PCNX1: variants seen among roughly 807,000 people sequenced by gnomAD.
PCNX1 encodes pecanex-like protein 1.
A neutral mutation model predicts 242.2 loss-of-function variants in PCNX1; 78 were observed. The ratio of observed to expected loss-of-function variants is 0.32; its 90% CI spans 0.27 to 0.39. The LOEUF (loss-of-function observed/expected upper bound fraction) is 0.39, where lower values mean the gene tolerates loss of function less well. PCNX1 is among the 10% of genes least tolerant of loss of function. The pLI, the probability that PCNX1 is intolerant of heterozygous loss-of-function variation, is 1.00. For synonymous variants in PCNX1, 1,024 were observed against 1,032.9 expected, an observed-to-expected ratio of 0.99 and a Z score of 0.17; for missense variants, 2,581 against 2,856.5, an observed-to-expected ratio of 0.90 and a Z score of 2.20.
intron 18 of PCNX1, among the ~76,000 whole-genome samples, chr14:71,034,399 A>G (rs943136772): frequency 1.3e-5 from 2 of 151,080 alleles, no homozygotes; most frequent in Admixed American, 6.6e-5. Flanking sequence ...CTTGTTGTTG[A>G]AAAAAACTAT....
intron 13 of PCNX1, among the ~76,000 whole-genome samples, chr14:71,025,899 A>T (rs1472303770): frequency 6.6e-6 from 1 of 151,970 alleles, no homozygotes; most frequent in African/African-American, 2.4e-5. Context: ...AAAAACACAA[A>T]ATTTCACACT....
intron 33 of PCNX1, among the ~76,000 whole-genome samples, chr14:71,107,831 TTC>T (rs2062666090): frequency 6.6e-6 from 1 of 152,214 alleles, no homozygotes; most frequent in South Asian, 2.1e-4. Context: ...TAATAAATAT[TTC>T]TTTTTAACTG....
At chr14:70,948,290 C>T (rs1287512706) in intron 2 of PCNX1, among the ~76,000 whole-genome samples, 6 of 152,070 alleles carry the variant, frequency 3.9e-5, no homozygotes, top group East Asian at 3.9e-4. Flanking sequence ...GGGGGCATCA[C>T]GGAACCTGCC....
At chr14:70,966,278 A>G (rs948518003) in intron 3 of PCNX1, among the ~76,000 whole-genome samples, 1 of 152,200 alleles carries the variant, frequency 6.6e-6, no homozygotes, top group South Asian at 2.1e-4. Context: ...CTCAACTAAT[A>G]GTGACTTAAA....
intron 30 of PCNX1, among the ~76,000 whole-genome samples, chr14:71,092,161 A>G (rs893325076): frequency 1.3e-5 from 2 of 152,246 alleles, no homozygotes; most frequent in Admixed American, 1.3e-4. Flanking sequence ...CACCATTCCG[A>G]GATAAGTGAA....
At chr14:71,052,523 A>G (rs2061067123) in intron 24 of PCNX1, among the ~76,000 whole-genome samples, 1 of 152,150 alleles carries the variant, frequency 6.6e-6, no homozygotes, top group Non-Finnish European at 1.5e-5. Context: ...ATTTTTTCCT[A>G]CTTAAAAGAT....
chr14:71,089,276 T>C lies in PCNX1; in HGVS notation c.5523T>C (p.Phe1841=). Reference sequence around the variant, plus strand: ...CTTCAATTCGAGATGAATGGATCTTTGCTGACATGGAATTGCTAAGAAAAG... The same window carrying C: ...CTTCAATTCGAGATGAATGGATCTTCGCTGACATGGAATTGCTAAGAAAAG... ...RISSIRDEWI[F]ADMELLRKVV... is the part of the protein sequence containing the mutation. The change falls in exon 30 of 36, where the codon TTT becomes TTC. Residue 1841 remains phenylalanine, a synonymous_variant. Transcript: ENST00000304743. 6.2e-7 allele frequency: 1 copy of C among 1,612,302 alleles called. No individual in the cohort carries two copies. The highest frequency in any genetic ancestry group is 8.5e-7 in the Non-Finnish European group (1 of 1,178,476).
intron 23 of PCNX1, among the ~76,000 whole-genome samples, chr14:71,051,089 A>G (rs2061015111): frequency 6.8e-6 from 1 of 147,088 alleles, no homozygotes; most frequent in Admixed American, 7.1e-5. Context: ...AATCTCTTGA[A>G]TCCAGGAGGT....
At chr14:71,083,851 C>CA (rs1424258492) in intron 28 of PCNX1, among the ~76,000 whole-genome samples, 2 of 152,110 alleles carry the variant, frequency 1.3e-5, no homozygotes, top group Non-Finnish European at 2.9e-5. Context: ...CTACTTCTGT[C>CA]AATTTGTCAA....
At chr14:71,102,680 A>G (rs945492347) in intron 31 of PCNX1, among the ~76,000 whole-genome samples, 2 of 151,920 alleles carry the variant, frequency 1.3e-5, no homozygotes, top group Admixed American at 1.3e-4. Context: ...ATTTTTTTTT[A>G]GTACTTTATT....
chr14:70,936,040 T>C (rs890865825), intron 1 of PCNX1, among the ~76,000 whole-genome samples: 1 of 152,224 alleles, frequency 6.6e-6, no homozygotes, highest in African/African-American at 2.4e-5. Flanking sequence ...GTTATTTTGC[T>C]CAGAAAAGGC....
intron 9 of PCNX1, 65 bp downstream of exon 9, chr14:71,009,789 A>G: frequency 2.2e-6 from 2 of 925,812 alleles, no homozygotes; most frequent in Non-Finnish European, 3.2e-6. Context: ...AATGTTTTTA[A>G]GCCTAGAACT....
At position 71,047,141 on chromosome 14, in the gene PCNX1, TGG is replaced by T. The variant is rs1314412146; in HGVS notation, c.4160+40_4160+41del. 5 of 1,264,656 alleles carry T rather than the reference TGG, an allele frequency of 4.0e-6. No individual in the cohort carries two copies. The South Asian group carries it at 8.6e-5, about 22-fold the overall frequency. The allele number at this position is 1,264,656 out of a possible 1,614,324, so 78.3% of individuals were successfully genotyped here. A position where few individuals can be genotyped will look rare whatever the true frequency, so the allele number is the denominator to read the frequency against. Reference sequence around the variant, plus strand: ...TAGTCTTCTAATATTGTCTGACTACTGGGGGCTGTTATAAACAATGTCTTAAG... The same window carrying T: ...TAGTCTTCTAATATTGTCTGACTACTGGGCTGTTATAAACAATGTCTTAAG... On this transcript the variant is annotated intron_variant, in intron 21 of 35. Coordinates refer to ENST00000304743, the MANE Select transcript of PCNX1 (RefSeq NM_014982.3).
chr14:70,925,444 T>C (rs1443562302), intron 1 of PCNX1, among the ~76,000 whole-genome samples: 3 of 152,162 alleles, frequency 2.0e-5, no homozygotes, highest in East Asian at 3.8e-4. Flanking sequence ...GTTTGAAAAA[T>C]AGATTTTTCC....
Position 70,907,710 on chromosome 14 carries a change from C to G in PCNX1, c.-141C>G, listed in dbSNP as rs1326551016. The stretch of plus-strand genomic sequence containing the variant: ...CTCCTCCTGCAGCAGCACCAGCGAC[C>G]GCCGAAGCGCCGGCTCGCTCACCCG... On this transcript the variant is annotated 5_prime_UTR_variant, in exon 1 of 36. Coordinates refer to ENST00000304743, the MANE Select transcript of PCNX1 (RefSeq NM_014982.3). 3.8e-6 allele frequency: 4 copies of G among 1,055,366 alleles called. No homozygotes were observed. The highest frequency in any genetic ancestry group is 3.4e-5 in the African/African-American group (2 of 59,666). The allele number at this position is 1,055,366 out of a possible 1,614,324, so 65.4% of individuals were successfully genotyped here.
At chr14:71,082,063 G>T (rs989923815) in intron 28 of PCNX1, among the ~76,000 whole-genome samples, 5 of 152,054 alleles carry the variant, frequency 3.3e-5, no homozygotes, top group African/African-American at 1.2e-4. Flanking sequence ...TTGTGTCTTT[G>T]TTCTCATTGG....
At chr14:71,108,253 G>A (rs1266119260) in intron 33 of PCNX1, among the ~76,000 whole-genome samples, 2 of 152,204 alleles carry the variant, frequency 1.3e-5, no homozygotes, top group African/African-American at 2.4e-5. Flanking sequence ...TATTATGGAA[G>A]TATTCTTGTT....
Position 70,977,652 on chromosome 14 carries a change from G to A in PCNX1, c.1315G>A (p.Glu439Lys), listed in dbSNP as rs1566648159. The change falls in exon 6 of 36, where the codon GAG becomes AAG. Residue 439 changes from glutamate to lysine, a missense_variant. By Grantham distance (56) the Glu-to-Lys change is moderately conservative. This residue lies in a region of PCNX1 where 1,204 missense variants were observed against 1,216.7 expected (regional missense o/e 0.99). Coordinates refer to ENST00000304743, the MANE Select transcript of PCNX1 (RefSeq NM_014982.3). ...GAAAGAGTGCTGTGCAGGCCCAGAG[G>A]AGAAGAATAGCTGTGCCAGTGACAA... ...RKKECCAGPE[E>K]KNSCASDKRT... 6.2e-7 allele frequency: 1 copy of A among 1,614,094 alleles called. No homozygotes were observed. The highest frequency in any genetic ancestry group is 1.1e-5 in the South Asian group (1 of 91,072).
intron 18 of PCNX1, 41 bp from the exon 19 acceptor site, chr14:71,036,024 A>C: frequency 6.0e-6 from 8 of 1,344,036 alleles, no homozygotes; most frequent in Non-Finnish European, 8.4e-6. Context: ...ATTTTTAAAA[A>C]TTTTATGTAA....
Sources: gnomAD v4.1 joint callset for allele counts (sites outside exome capture counted in the v4.1 genomes callset) on GRCh38, gnomAD v4.1.1 for gene constraint, gnomAD v4.1.1 regional missense constraint, MANE v1.5 for transcripts, NCBI Gene and HGNC (gene_info 2026-07-23, HGNC 2026-07-21) for gene names.